Variants in GPHN observed in about 807,000 individuals in gnomAD.
GPHN encodes gephyrin.
In GPHN, 17 loss-of-function variants were observed where a neutral mutation model predicts 95.5. That is an observed-to-expected ratio of 0.18 (90% CI 0.12 to 0.27). The LOEUF is 0.27. Among genes scored for constraint, GPHN ranks in the 10% least tolerant of loss-of-function variants. The probability of loss-of-function intolerance (pLI) is 1.00; values close to 1 mark genes in which losing one functional copy is unlikely to be tolerated. For missense variants in GPHN, 660 were observed against 978.1 expected, an observed-to-expected ratio of 0.67 and a Z score of 4.34; for synonymous variants, 320 against 322.5, an observed-to-expected ratio of 0.99 and a Z score of 0.08.
intron 1 of GPHN, among the ~76,000 whole-genome samples, chr14:66,627,673 A>T (rs907784979): frequency 6.6e-6 from 1 of 152,084 alleles, no homozygotes; most frequent in Non-Finnish European, 1.5e-5. Flanking sequence ...TTCATGAGAA[A>T]TGTATGAGGT....
intron 3 of GPHN, among the ~76,000 whole-genome samples, chr14:66,809,182 C>CAGA (rs753575191): frequency 3.9e-5 from 6 of 152,078 alleles, no homozygotes; most frequent in Admixed American, 6.5e-5. Flanking sequence ...GAGACAGAGA[C>CAGA]AGACCACTTA....
the GPHN span, among the ~76,000 whole-genome samples, chr14:67,240,858 G>C: frequency 6.6e-6 from 1 of 152,256 alleles, no homozygotes; most frequent in Non-Finnish European, 1.5e-5. Context: ...GCTTTATGCA[G>C]TCTTCTGCGG....
At chr14:66,620,617 A>G (rs1043900463) in intron 1 of GPHN, among the ~76,000 whole-genome samples, 4 of 152,184 alleles carry the variant, frequency 2.6e-5, no homozygotes, top group Non-Finnish European at 5.9e-5. Context: ...AGGAGTTACA[A>G]TTCAAGATGA....
chr14:66,565,089 T>C (rs1222010002), intron 1 of GPHN, among the ~76,000 whole-genome samples: 1 of 152,180 alleles, frequency 6.6e-6, no homozygotes, highest in Admixed American at 6.5e-5. Flanking sequence ...TTTTGTTGCT[T>C]AGAGGACATG....
the GPHN span, among the ~76,000 whole-genome samples, chr14:67,306,396 GTAC>G: frequency 5.3e-5 from 8 of 152,162 alleles, no homozygotes; most frequent in East Asian, 1.5e-3. Context: ...CCAGGCTGGA[GTAC>G]AGTGGTGCGA....
At chr14:66,802,319 T>A (rs1019604211) in intron 3 of GPHN, among the ~76,000 whole-genome samples, 13 of 152,064 alleles carry the variant, frequency 8.5e-5, no homozygotes, top group Non-Finnish European at 1.9e-4. Context: ...CTTCTATCAG[T>A]CTGTGGTGAA....
At chr14:67,718,606 G>A in the GPHN span, among the ~76,000 whole-genome samples, 2 of 152,344 alleles carry the variant, frequency 1.3e-5, no homozygotes, top group Non-Finnish European at 2.9e-5. Flanking sequence ...TCTCAAAGGT[G>A]TTGCAAGTGA....
At chr14:66,690,103 A>T (rs2067674623) in intron 2 of GPHN, among the ~76,000 whole-genome samples, 1 of 148,546 alleles carries the variant, frequency 6.7e-6, no homozygotes, top group East Asian at 2.0e-4. Flanking sequence ...TTTGTTCTTG[A>T]TTTTCTTGTT....
chr14:66,770,119 A>G (rs895087066), intron 2 of GPHN, among the ~76,000 whole-genome samples: 2 of 152,104 alleles, frequency 1.3e-5, no homozygotes, highest in Admixed American at 6.5e-5. Flanking sequence ...GGCTGTATGT[A>G]TGTCTTCTTT....
At chr14:67,460,364 T>G in the GPHN span, among the ~76,000 whole-genome samples, 1,480 of 152,292 alleles carry the variant, frequency 9.7e-3, 93 homozygotes, top group Admixed American at 0.089. Context: ...GTGTGAATTA[T>G]AACACTTGTC....
At chr14:67,080,503 A>G (rs760782111) in intron 11 of GPHN, among the ~76,000 whole-genome samples, 13 of 152,078 alleles carry the variant, frequency 8.5e-5, no homozygotes, top group South Asian at 2.1e-4. Flanking sequence ...AATGTCATGA[A>G]CTACTTCCTG....
chr14:67,073,665 C>T (rs2076392568), intron 11 of GPHN, among the ~76,000 whole-genome samples: 1 of 152,058 alleles, frequency 6.6e-6, no homozygotes, highest in Admixed American at 6.6e-5. Flanking sequence ...CTTTTTGTAC[C>T]ACTAAATCAT....
chr14:66,516,908 G>T (rs1421909620), intron 1 of GPHN, among the ~76,000 whole-genome samples: 1 of 152,004 alleles, frequency 6.6e-6, no homozygotes, highest in African/African-American at 2.4e-5. Flanking sequence ...GAGGCGGGCA[G>T]ATCACGAAGT....
rs374404298 is a variant in GPHN at position 67,143,468 on chromosome 14, G to A, written c.1836+19G>A. On this transcript the variant is annotated intron_variant, in intron 18 of 22. Transcript: ENST00000478722. ...GGAAAAGGTATGAAAGATAGGGCTC[G>A]TGAAAATGTATCTGCTGTAATGTTC... The A allele has an allele frequency of 1.2e-5, 17 of 1,392,522 alleles. No homozygotes were observed. In the African/African-American group the frequency reaches 1.7e-4, roughly 14 times the overall value. The allele number at this position is 1,392,522 out of a possible 1,614,324, so 86.3% of individuals were successfully genotyped here.
At chr14:67,145,272 A>T (rs555196925) in intron 18 of GPHN, among the ~76,000 whole-genome samples, 96 of 152,188 alleles carry the variant, frequency 6.3e-4, no homozygotes, top group Non-Finnish European at 5.9e-4. Context: ...TATCTTTTCT[A>T]GTACTCTGGA....
At chr14:66,870,835 C>T (rs949604463) in intron 4 of GPHN, among the ~76,000 whole-genome samples, 3 of 152,148 alleles carry the variant, frequency 2.0e-5, no homozygotes, top group East Asian at 3.9e-4. Context: ...TGTAGGTCCT[C>T]CTAAAGACCA....
intron 2 of GPHN, among the ~76,000 whole-genome samples, chr14:66,756,127 T>C (rs1158358137): frequency 6.6e-6 from 1 of 152,202 alleles, no homozygotes; most frequent in African/African-American, 2.4e-5. Context: ...TTTTGTTGAA[T>C]ATATTCATGA....
intron 13 of GPHN, among the ~76,000 whole-genome samples, chr14:67,107,182 A>C (rs2078090490): frequency 6.6e-6 from 1 of 152,104 alleles, no homozygotes. Context: ...GGGCTTTTAG[A>C]GTCCTCCTCT....
the GPHN span, among the ~76,000 whole-genome samples, chr14:67,525,786 A>G: frequency 6.6e-6 from 1 of 152,238 alleles, no homozygotes; most frequent in Non-Finnish European, 1.5e-5. Context: ...TTTGCCTCCC[A>G]AAAGAACCAT....
Sources: allele counts gnomAD v4.1 joint callset (sites outside exome capture counted in the v4.1 genomes callset), GRCh38; gene constraint gnomAD v4.1.1; transcripts MANE v1.5; gene names NCBI Gene and HGNC (gene_info 2026-07-23, HGNC 2026-07-21).